Variants in FRYL observed in about 807,000 individuals in gnomAD.
FRYL encodes protein furry homolog-like.
In FRYL, 150 loss-of-function variants were observed where a neutral mutation model predicts 351.2. That is an observed-to-expected ratio of 0.43 (90% CI 0.37 to 0.49). The LOEUF (loss-of-function observed/expected upper bound fraction) is 0.49. Among genes scored for constraint, FRYL ranks in the 20% least tolerant of loss-of-function variants. The probability of loss-of-function intolerance (pLI) is 0.00; values close to 1 mark genes in which losing one functional copy is unlikely to be tolerated. For missense variants in FRYL, 3,036 were observed against 3,619.3 expected (o/e 0.84, Z 4.13); for synonymous variants, 1,153 against 1,257.1 (o/e 0.92, Z 1.75).
intron 2 of FRYL, among the ~76,000 whole-genome samples, chr4:48,689,740 A>G (rs1257823326): frequency 6.6e-6 from 1 of 152,186 alleles, no homozygotes; most frequent in Non-Finnish European, 1.5e-5. Context: ...AGAGGTGGAG[A>G]TGTCATCTTC....
At chr4:48,500,287 A>T (rs953979163) in intron 62 of FRYL, 67 bp from the exon 63 acceptor site, 6 of 939,016 alleles carry the variant, frequency 6.4e-6, no homozygotes, top group Non-Finnish European at 9.4e-6. Context: ...GTTGGCTACA[A>T]GAATATACCT....
At chr4:48,718,968 T>C (rs11732876) in intron 1 of FRYL, among the ~76,000 whole-genome samples, 5,669 of 151,530 alleles carry the variant, frequency 0.037, 271 homozygotes, top group Non-Finnish European at 0.061. Context: ...CTATCAGCCA[T>C]TTGCACTCTG....
At chr4:48,675,301 G>C (rs1763417206) in intron 3 of FRYL, among the ~76,000 whole-genome samples, 2 of 152,224 alleles carry the variant, frequency 1.3e-5, no homozygotes, top group South Asian at 4.1e-4. Flanking sequence ...GGCTGGCCAA[G>C]GCTGGAGCCC....
intron 1 of FRYL, among the ~76,000 whole-genome samples, chr4:48,755,975 C>A (rs1773731219): frequency 6.6e-6 from 1 of 151,312 alleles, no homozygotes; most frequent in Non-Finnish European, 1.5e-5. Flanking sequence ...GCTTATGCCA[C>A]CAAATCCCAG....
At chr4:48,652,759 G>A (rs1189190703) in intron 3 of FRYL, among the ~76,000 whole-genome samples, 1 of 151,950 alleles carries the variant, frequency 6.6e-6, no homozygotes, top group Non-Finnish European at 1.5e-5. Context: ...TAAATATTTT[G>A]GTAAAGAGTT....
intron 49 of FRYL, among the ~76,000 whole-genome samples, chr4:48,532,356 A>G (rs1727850349): frequency 6.6e-6 from 1 of 152,190 alleles, no homozygotes; most frequent in Non-Finnish European, 1.5e-5. Context: ...TAAGAACAGC[A>G]CTGTAAAAAG....
chr4:48,545,245 G>A (rs1731078000), intron 42 of FRYL, among the ~76,000 whole-genome samples: 2 of 152,174 alleles, frequency 1.3e-5, no homozygotes, highest in African/African-American at 2.4e-5. Context: ...TAATTTGCTG[G>A]TGAAATGCAA....
intron 60 of FRYL, chr4:48,505,259 A>G (rs754080074): frequency 2.7e-6 from 1 of 368,754 alleles, no homozygotes; most frequent in Non-Finnish European, 5.1e-6. Flanking sequence ...TAAGAGGCAC[A>G]TGCAACTTAA....
chr4:48,629,369 G>C (rs1253393475), intron 4 of FRYL, among the ~76,000 whole-genome samples: 1 of 152,152 alleles, frequency 6.6e-6, no homozygotes, highest in African/African-American at 2.4e-5. Context: ...TGGGAGAGGA[G>C]GTGAAAAGCA....
At chr4:48,501,155 C>T (rs1273705625) in intron 62 of FRYL, among the ~76,000 whole-genome samples, 1 of 146,270 alleles carries the variant, frequency 6.8e-6, no homozygotes, top group Middle Eastern at 3.6e-3. Flanking sequence ...GTTGATGATA[C>T]AGTTTTATGT....
chr4:48,658,584 CAAAAAA>C (rs11388062), intron 3 of FRYL, among the ~76,000 whole-genome samples: 61 of 95,860 alleles, frequency 6.4e-4, no homozygotes, highest in Middle Eastern at 5.8e-3. Flanking sequence ...CAAAAAAATA[CAAAAAA>C]AAAAAAAAAA....
chr4:48,668,115 C>T (rs963811868), intron 3 of FRYL, among the ~76,000 whole-genome samples: 9 of 152,138 alleles, frequency 5.9e-5, no homozygotes, highest in African/African-American at 1.9e-4. Flanking sequence ...TGCAGCCACA[C>T]ACATTCACTC....
chr4:48,666,404 T>G, intron 3 of FRYL, among the ~76,000 whole-genome samples: 1 of 108,934 alleles, frequency 9.2e-6, no homozygotes, highest in South Asian at 2.8e-4. Context: ...AATAAATAAA[T>G]AAATAAATAA....
At position 48,669,743 on chromosome 4, in the gene FRYL, G is replaced by C. The variant is rs1762349375; in HGVS notation, c.-81+14930C>G. On this transcript the variant is annotated intron_variant, in intron 3 of 63. Transcript: ENST00000358350. Reference sequence around the variant, plus strand: ...ACATAAACATTTTTAAAAGATGGAGGAGACAGATGTATGTTTACTTCAATT... The same window carrying C: ...ACATAAACATTTTTAAAAGATGGAGCAGACAGATGTATGTTTACTTCAATT... 2.0e-5 allele frequency among the ~76,000 whole-genome samples: 3 copies of C among 150,970 alleles called. No homozygotes were observed. The South Asian group carries it at 6.3e-4, about 31-fold the overall frequency.
chr4:48,706,343 C>T lies in FRYL; in HGVS notation c.-204+4176G>A, dbSNP rs552190523. 7.2e-5 allele frequency among the ~76,000 whole-genome samples: 11 copies of T among 152,266 alleles called. No homozygotes were observed. The South Asian group carries it at 1.9e-3, about 26-fold the overall frequency. On this transcript the variant is annotated intron_variant, in intron 2 of 63. Transcript: ENST00000358350. ...AATGAAATTCTAACACGTACTATAACATGAATGACCTTGAAGACATTATCC... is the reference window on the plus strand; with the variant it reads ...AATGAAATTCTAACACGTACTATAATATGAATGACCTTGAAGACATTATCC...
Position 48,549,431 on chromosome 4 carries a change from G to C in FRYL, c.4784+42C>G. On this transcript the variant is annotated intron_variant, in intron 39 of 63. Transcript: ENST00000358350. This position sits in a 1 kb window ranked among gnomAD's most constrained non-coding sequence, Gnocchi z 4.2. ...CAAAGAAAGCCGACAGTGTTCAGCA[G>C]CAACTTGGTGCATATGTAAAAGGAA... The C allele has an allele frequency of 6.4e-7, 1 of 1,560,346 alleles. No individual in the cohort carries two copies. The highest frequency in any genetic ancestry group is 8.7e-7 in the Non-Finnish European group (1 of 1,149,394).
intron 4 of FRYL, among the ~76,000 whole-genome samples, chr4:48,624,220 C>T (rs1578401217): frequency 6.6e-6 from 1 of 152,222 alleles, no homozygotes; most frequent in East Asian, 1.9e-4. Context: ...AACAATCTCT[C>T]CTATCACATA....
At chr4:48,636,185 T>G (rs1754192396) in intron 3 of FRYL, among the ~76,000 whole-genome samples, 1 of 152,170 alleles carries the variant, frequency 6.6e-6, no homozygotes, top group Non-Finnish European at 1.5e-5. Context: ...CCTGTTTGTT[T>G]ACTCTGTTTC....
At chr4:48,560,395 T>A (rs1735204372) in intron 33 of FRYL, among the ~76,000 whole-genome samples, 1 of 152,142 alleles carries the variant, frequency 6.6e-6, no homozygotes, top group Non-Finnish European at 1.5e-5. Context: ...TAAAATTAGC[T>A]GATGCTAAGG....
Sources: allele counts gnomAD v4.1 joint callset (sites outside exome capture counted in the v4.1 genomes callset), GRCh38; gene constraint gnomAD v4.1.1; non-coding constraint Gnocchi (gnomAD v3.1); transcripts MANE v1.5; gene names NCBI Gene and HGNC (gene_info 2026-07-23, HGNC 2026-07-21).